The following KCND2 variants were observed in gnomAD, a reference collection of about 807,000 sequenced individuals.
KCND2 encodes A-type voltage-gated potassium channel KCND2.
Under a neutral mutation model 54.4 loss-of-function variants are expected in KCND2, and 16 were observed. That is an observed-to-expected ratio of 0.29 (90% CI 0.20 to 0.45). The LOEUF (loss-of-function observed/expected upper bound fraction) is 0.45, where lower values mean the gene tolerates loss of function less well. KCND2 is among the 20% of genes least tolerant of loss of function. KCND2 has a pLI of 1.00. For missense variants in KCND2, 486 were observed against 824.2 expected, an observed-to-expected ratio of 0.59 and a Z score of 5.02; for synonymous variants, 317 against 310.7, an observed-to-expected ratio of 1.02 and a Z score of -0.21.
chr7:120,583,787 G>A (rs1031887816), intron 1 of KCND2, among the ~76,000 whole-genome samples: 13 of 149,750 alleles, frequency 8.7e-5, no homozygotes, highest in African/African-American at 3.2e-4. Context: ...GGAATTGTGG[G>A]GGGGGGGACA....
chr7:120,323,342 C>A (rs371009781), intron 1 of KCND2, among the ~76,000 whole-genome samples: 5 of 152,008 alleles, frequency 3.3e-5, no homozygotes, highest in Admixed American at 6.6e-5. Flanking sequence ...TACATGAGCA[C>A]AACGTGCAGG....
intron 1 of KCND2, among the ~76,000 whole-genome samples, chr7:120,520,571 A>G (rs1365620901): frequency 6.6e-6 from 1 of 152,102 alleles, no homozygotes; most frequent in East Asian, 1.9e-4. Flanking sequence ...AAAAGAGTAT[A>G]TGAGCTCAGG....
chr7:120,275,724 C>A lies in KCND2; in HGVS notation c.1092C>A (p.Thr364=), dbSNP rs573823442. The A allele has an allele frequency of 8.7e-6, 14 of 1,600,684 alleles. No homozygotes were observed. In the South Asian group the frequency reaches 1.5e-4, roughly 18 times the overall value. The part of the protein sequence containing the change: ...FTSIPAAFWY[T]IVTMTTLGYG... ...GCATCCCTGCAGCCTTCTGGTATAC[C>A]ATCGTCACCATGACAACACTAGGGT... The change falls in exon 1 of 6, where the codon ACC becomes ACA. Residue 364 remains threonine, a synonymous_variant. Transcript: ENST00000331113.
rs556530072 is a variant in KCND2, at chr7:120,596,259, C to G, written c.1116-136644C>G. ...TGAATTAAATATTGGCCCATCACTG[C>G]CAGATTGTTACTTATATAGATAATT... On this transcript the variant is annotated intron_variant, in intron 1 of 5. Coordinates refer to ENST00000331113, the MANE Select transcript of KCND2 (RefSeq NM_012281.3). 7.2e-5 allele frequency among the ~76,000 whole-genome samples: 11 copies of G among 152,194 alleles called. No homozygotes were observed. In the South Asian group the frequency reaches 2.1e-3, roughly 29 times the overall value.
intron 1 of KCND2, among the ~76,000 whole-genome samples, chr7:120,404,237 C>T (rs1203945959): frequency 6.6e-6 from 1 of 152,136 alleles, no homozygotes; most frequent in Non-Finnish European, 1.5e-5. Flanking sequence ...ACATCATCAA[C>T]ATGGTTTAAT....
chr7:120,534,973 C>T (rs187969926), intron 1 of KCND2, among the ~76,000 whole-genome samples: 1 of 152,226 alleles, frequency 6.6e-6, no homozygotes, highest in Admixed American at 6.5e-5. Flanking sequence ...CCTATCACTC[C>T]AGCAAAATTG....
At chr7:120,533,129 T>A in intron 1 of KCND2, among the ~76,000 whole-genome samples, 1 of 152,122 alleles carries the variant, frequency 6.6e-6, no homozygotes, top group East Asian at 1.9e-4. Flanking sequence ...ACCTTCAGTC[T>A]CAAATCATTT....
chr7:120,603,944 T>A (rs1792846488), intron 1 of KCND2, among the ~76,000 whole-genome samples: 1 of 152,122 alleles, frequency 6.6e-6, no homozygotes, highest in Non-Finnish European at 1.5e-5. Context: ...GTTTTGTCAT[T>A]AAACAGACCT....
intron 2 of KCND2, among the ~76,000 whole-genome samples, chr7:120,733,962 T>C (rs1445876312): frequency 2.0e-5 from 3 of 152,140 alleles, no homozygotes; most frequent in Non-Finnish European, 4.4e-5. Context: ...AGAATTCATA[T>C]GTTAAAAGAC....
At chr7:120,411,226 G>A (rs551701630) in intron 1 of KCND2, among the ~76,000 whole-genome samples, 4 of 151,682 alleles carry the variant, frequency 2.6e-5, no homozygotes, top group African/African-American at 9.7e-5. Context: ...ACCATAAGTG[G>A]TGTTTTTTAA....
At chr7:120,537,768 T>C (rs1371639695) in intron 1 of KCND2, among the ~76,000 whole-genome samples, 1 of 152,196 alleles carries the variant, frequency 6.6e-6, no homozygotes, top group Admixed American at 6.5e-5. Context: ...AAATTTGTCT[T>C]CTGCAGCTTC....
intron 1 of KCND2, among the ~76,000 whole-genome samples, chr7:120,579,484 C>A (rs572374652): frequency 6.6e-6 from 1 of 151,902 alleles, no homozygotes; most frequent in African/African-American, 2.4e-5. Flanking sequence ...TGCCTGTAAT[C>A]TCAGCTACTC....
chr7:120,294,125 T>C (rs995433890), intron 1 of KCND2, among the ~76,000 whole-genome samples: 3 of 151,862 alleles, frequency 2.0e-5, no homozygotes, highest in African/African-American at 7.2e-5. Context: ...AGTGAAAAGG[T>C]GGGTAGATCA....
chr7:120,402,594 A>C (rs971751027), intron 1 of KCND2, among the ~76,000 whole-genome samples: 10 of 152,116 alleles, frequency 6.6e-5, no homozygotes, highest in African/African-American at 2.4e-4. Context: ...CTATTTTCAG[A>C]GTATTAGTCA....
chr7:120,325,565 G>A (rs1178981513), intron 1 of KCND2, among the ~76,000 whole-genome samples: 2 of 151,142 alleles, frequency 1.3e-5, no homozygotes, highest in South Asian at 2.1e-4. Context: ...TAATCATGTG[G>A]TTTTTGTCTT....
intron 1 of KCND2, among the ~76,000 whole-genome samples, chr7:120,426,010 C>T (rs1448624917): frequency 1.3e-5 from 2 of 151,704 alleles, no homozygotes; most frequent in African/African-American, 2.4e-5. Flanking sequence ...AAAAATAGCA[C>T]CTGTTAATTT....
Position 120,741,427 on chromosome 7 carries a change from A to G in KCND2, c.1279-107A>G, listed in dbSNP as rs1792939492. 1.5e-5 allele frequency: 12 copies of G among 782,122 alleles called. 1 individual carries two copies. Among genetic ancestry groups the G allele is most frequent in the Non-Finnish European group, 2.5e-5 (11 of 448,370 alleles). 48.4% of individuals were successfully genotyped at this position (782,122 alleles called of 1,614,324 possible). On this transcript the variant is annotated intron_variant, in intron 2 of 5. Coordinates refer to ENST00000331113, the MANE Select transcript of KCND2 (RefSeq NM_012281.3). Reference sequence around the variant, plus strand: ...ATAGTTGCATTTGAAAAGCTGGCTTACTTTTAAAAATATGTAGGCTGACAA... The same window carrying G: ...ATAGTTGCATTTGAAAAGCTGGCTTGCTTTTAAAAATATGTAGGCTGACAA...
intron 1 of KCND2, among the ~76,000 whole-genome samples, chr7:120,500,405 A>T (rs1056698291): frequency 2.6e-5 from 4 of 152,102 alleles, no homozygotes; most frequent in African/African-American, 9.7e-5. Flanking sequence ...TTCTTTTCTT[A>T]TGTAATAAAG....
intron 1 of KCND2, among the ~76,000 whole-genome samples, chr7:120,599,993 T>G (rs1792794554): frequency 6.6e-6 from 1 of 151,986 alleles, no homozygotes; most frequent in African/African-American, 2.4e-5. Context: ...CTGAGAGTTT[T>G]TATCATGAAA....
Sources: gnomAD v4.1 joint callset for allele counts (sites outside exome capture counted in the v4.1 genomes callset) on GRCh38, gnomAD v4.1.1 for gene constraint, MANE v1.5 for transcripts, NCBI Gene and HGNC (gene_info 2026-07-23, HGNC 2026-07-21) for gene names.